DOCK8: variants seen among roughly 807,000 people sequenced by gnomAD.
DOCK8 encodes dedicator of cytokinesis protein 8.
Under a neutral mutation model 245.6 loss-of-function variants are expected in DOCK8, and 141 were observed. That is an observed-to-expected ratio of 0.57 (90% CI 0.50 to 0.66). The LOEUF (loss-of-function observed/expected upper bound fraction) is 0.66. DOCK8 is among the 30% of genes least tolerant of loss of function. The pLI is 0.00. For synonymous variants in DOCK8, 1,168 were observed against 970.2 expected (o/e 1.20, Z -3.79); for missense variants, 2,965 against 2,603.4 (o/e 1.14, Z -3.02).
chr9:257,503 T>C (rs1394899596), intron 1 of DOCK8, among the ~76,000 whole-genome samples: 1 of 151,908 alleles, frequency 6.6e-6, no homozygotes, highest in African/African-American at 2.4e-5. Flanking sequence ...TTTTTGTTTG[T>C]TGTTGTTGTT....
intron 2 of DOCK8, among the ~76,000 whole-genome samples, chr9:280,610 C>T (rs1023297605): frequency 2.6e-5 from 4 of 152,200 alleles, no homozygotes; most frequent in African/African-American, 9.6e-5. Flanking sequence ...AGGCTTCCCA[C>T]TGGCTAAGTC....
At position 396,841 on chromosome 9, in the gene DOCK8, G is replaced by A. The variant is rs1231234653; in HGVS notation, c.3027G>A (p.Arg1009=). Residue 1009 remains arginine (R), a synonymous_variant, in exon 25 of 48, where the codon AGG becomes AGA. Coordinates refer to ENST00000432829, the MANE Select transcript of DOCK8 (RefSeq NM_203447.4). ...TGGACAAACGGGACAGTTTTCGGAG[G>A]ACTCGTTTTTCTGACCGTTTCATGG... is the stretch of plus-strand genomic sequence containing the variant. ...HNMDKRDSFR[R]TRFSDRFMDD... is the part of the protein sequence containing the mutation. The A allele has an allele frequency of 6.2e-7, 1 of 1,614,114 alleles. No individual in the cohort carries two copies. The highest frequency in any genetic ancestry group is 2.2e-5 in the East Asian group (1 of 44,888).
chr9:402,911 A>G (rs932845209), intron 26 of DOCK8, among the ~76,000 whole-genome samples: 12 of 152,216 alleles, frequency 7.9e-5, no homozygotes, highest in East Asian at 1.9e-4. Context: ...TTCTTTTGAG[A>G]TGGAGTCTTA....
At chr9:426,029 C>G (rs903230265) in intron 33 of DOCK8, among the ~76,000 whole-genome samples, 1 of 152,046 alleles carries the variant, frequency 6.6e-6, no homozygotes, top group Non-Finnish European at 1.5e-5. Flanking sequence ...TACCCCAACC[C>G]CATGGTAACA....
chr9:388,933 T>G (rs1270718155), intron 23 of DOCK8, among the ~76,000 whole-genome samples: 1 of 152,170 alleles, frequency 6.6e-6, no homozygotes, highest in Non-Finnish European at 1.5e-5. Context: ...CTTTAAAACT[T>G]AATTTGCAAA....
chr9:449,422 G>A (rs569786545), intron 44 of DOCK8, among the ~76,000 whole-genome samples: 1 of 152,254 alleles, frequency 6.6e-6, no homozygotes, highest in Admixed American at 6.5e-5. Context: ...TGACAGGGTA[G>A]AAAAAACATG....
intron 5 of DOCK8, among the ~76,000 whole-genome samples, chr9:305,008 G>C (rs918624707): frequency 3.3e-5 from 5 of 152,130 alleles, no homozygotes; most frequent in Non-Finnish European, 7.3e-5. Flanking sequence ...GTGCCCCTAA[G>C]GCAAACTACA....
At chr9:331,002 C>T (rs1303117796) in intron 9 of DOCK8, among the ~76,000 whole-genome samples, 1 of 152,150 alleles carries the variant, frequency 6.6e-6, no homozygotes, top group East Asian at 1.9e-4. Flanking sequence ...GTGGCATTCC[C>T]CTTCCTTGCT....
intron 28 of DOCK8, among the ~76,000 whole-genome samples, chr9:408,581 AG>A (rs2055548414): frequency 1.3e-5 from 2 of 152,240 alleles, no homozygotes; most frequent in South Asian, 4.1e-4. Context: ...GATACTGAGA[AG>A]AAAGTTTGAA....
At chr9:435,571 T>C (rs1020477689) in intron 39 of DOCK8, among the ~76,000 whole-genome samples, 3 of 152,250 alleles carry the variant, frequency 2.0e-5, no homozygotes, top group African/African-American at 7.2e-5. Flanking sequence ...GGCCCATTCA[T>C]TTGATTCCAC....
intron 1 of DOCK8, among the ~76,000 whole-genome samples, chr9:266,560 A>C (rs1308764778): frequency 6.6e-6 from 1 of 152,206 alleles, no homozygotes; most frequent in Non-Finnish European, 1.5e-5. Context: ...TTATCTAAGT[A>C]GCTGATGACT....
intron 2 of DOCK8, among the ~76,000 whole-genome samples, chr9:282,413 G>GTTTTT (rs58014606): frequency 7.6e-6 from 1 of 131,768 alleles, no homozygotes; most frequent in Non-Finnish European, 1.6e-5. Context: ...GTTTCGTTTT[G>GTTTTT]TTTTTTTTTT....
intron 14 of DOCK8, among the ~76,000 whole-genome samples, chr9:352,538 T>C (rs2052220900): frequency 6.6e-6 from 1 of 151,878 alleles, no homozygotes; most frequent in Admixed American, 6.6e-5. Context: ...GGTCAGGAGT[T>C]TGAAACCAGC....
intron 24 of DOCK8, among the ~76,000 whole-genome samples, chr9:394,994 G>T (rs1448416062): frequency 1.3e-5 from 2 of 152,222 alleles, no homozygotes; most frequent in East Asian, 1.9e-4. Context: ...AAGCCTTAGT[G>T]CTGGGATGGT....
At chr9:244,302 A>G (rs1479540748) in intron 1 of DOCK8, among the ~76,000 whole-genome samples, 3 of 151,866 alleles carry the variant, frequency 2.0e-5, no homozygotes, top group South Asian at 2.1e-4. Context: ...ACGCACACAC[A>G]TATATACTGA....
At chr9:437,073 T>C (rs888450833) in intron 39 of DOCK8, among the ~76,000 whole-genome samples, 1 of 152,208 alleles carries the variant, frequency 6.6e-6, no homozygotes, top group Non-Finnish European at 1.5e-5. Context: ...AGTGAATTCT[T>C]ACTTCTCTCA....
intron 4 of DOCK8, among the ~76,000 whole-genome samples, chr9:296,641 T>G (rs180931482): frequency 7.2e-5 from 11 of 152,326 alleles, no homozygotes; most frequent in African/African-American, 2.6e-4. Flanking sequence ...ATTCAGTTAC[T>G]CCCAGAACAC....
At chr9:238,008 A>T (rs1386123030) in intron 1 of DOCK8, among the ~76,000 whole-genome samples, 2 of 152,116 alleles carry the variant, frequency 1.3e-5, no homozygotes, top group Non-Finnish European at 2.9e-5. Context: ...TCTGTAGAGG[A>T]GGATTTATAG....
At chr9:440,177 C>T (rs2057049019) in intron 40 of DOCK8, among the ~76,000 whole-genome samples, 1 of 152,206 alleles carries the variant, frequency 6.6e-6, no homozygotes, top group East Asian at 1.9e-4. Context: ...CACCACCACA[C>T]TCGGCCAATT....
Sources: gnomAD v4.1 joint callset for allele counts (sites outside exome capture counted in the v4.1 genomes callset) on GRCh38, gnomAD v4.1.1 for gene constraint, MANE v1.5 for transcripts, NCBI Gene and HGNC (gene_info 2026-07-23, HGNC 2026-07-21) for gene names.